Variants in THSD7A observed in about 807,000 individuals in gnomAD.
THSD7A encodes thrombospondin type 1 domain containing 7A.
A neutral mutation model predicts 231.3 loss-of-function variants in THSD7A; 96 were observed. The observed-to-expected ratio is 0.41, with a 90% CI of 0.35 to 0.49. The LOEUF (loss-of-function observed/expected upper bound fraction) is 0.49, where lower values mean the gene tolerates loss of function less well. THSD7A is among the 20% of genes least tolerant of loss of function. The probability of loss-of-function intolerance (pLI) is 0.05; values close to 1 mark genes in which losing one functional copy is unlikely to be tolerated. For missense variants in THSD7A, 2,290 were observed against 2,070.2 expected (o/e 1.11, Z -2.06); for synonymous variants, 940 against 743.3 (o/e 1.26, Z -4.30).
At chr7:11,564,259 T>A (rs1583982296) in intron 4 of THSD7A, among the ~76,000 whole-genome samples, 2 of 152,324 alleles carry the variant, frequency 1.3e-5, no homozygotes, top group Non-Finnish European at 2.9e-5. Flanking sequence ...ATTATGGGTG[T>A]CGAAAACACT....
chr7:11,389,670 C>T (rs981729578), intron 23 of THSD7A, among the ~76,000 whole-genome samples: 2 of 151,968 alleles, frequency 1.3e-5, no homozygotes, highest in Admixed American at 6.6e-5. Flanking sequence ...CATTGTGATG[C>T]TAGCTGGTTA....
chr7:11,736,230 A>AT (rs1257726265), intron 1 of THSD7A, among the ~76,000 whole-genome samples: 1 of 151,950 alleles, frequency 6.6e-6, no homozygotes, highest in African/African-American at 2.4e-5. Context: ...GAAAAATAAT[A>AT]ATTAGCTATA....
At chr7:11,635,982 A>G (rs1781825516) in intron 2 of THSD7A, 148 bp downstream of exon 2, 8 of 659,216 alleles carry the variant, frequency 1.2e-5, no homozygotes, top group South Asian at 1.0e-4. Context: ...AGAAACTCAC[A>G]CAAGCTCAGA....
At chr7:11,789,271 T>C (rs1783879252) in intron 1 of THSD7A, among the ~76,000 whole-genome samples, 1 of 152,048 alleles carries the variant, frequency 6.6e-6, no homozygotes, top group Non-Finnish European at 1.5e-5. Context: ...AATCAACCTG[T>C]CATGTAGGCC....
rs552823642 is a variant in THSD7A at position 11,411,369 on chromosome 7, A to G, written c.3683-47T>C. On this transcript the variant is annotated intron_variant, in intron 18 of 27. Coordinates refer to ENST00000423059, the MANE Select transcript of THSD7A (RefSeq NM_015204.3). This position sits in a 1 kb window ranked among gnomAD's most constrained non-coding sequence, Gnocchi z 4.1. Reference sequence around the variant, plus strand: ...CAGAACAGAAGGCTAAGTAAGAAACAGATTTCAAATGAAACTCTGATGACC... The same window carrying G: ...CAGAACAGAAGGCTAAGTAAGAAACGGATTTCAAATGAAACTCTGATGACC... 2 of 1,338,452 alleles carry G rather than the reference A, an allele frequency of 1.5e-6. No individual in the cohort carries two copies. The highest frequency in any genetic ancestry group is 1.2e-5 in the South Asian group (1 of 80,626). 82.9% of individuals were successfully genotyped at this position (1,338,452 alleles called of 1,614,324 possible).
intron 17 of THSD7A, among the ~76,000 whole-genome samples, chr7:11,416,376 A>C (rs1287828760): frequency 6.6e-6 from 1 of 152,234 alleles, no homozygotes; most frequent in Non-Finnish European, 1.5e-5. Context: ...ATATCTGACA[A>C]AAAATCTCAC....
At chr7:11,413,223 G>T (rs1583694017) in intron 17 of THSD7A, among the ~76,000 whole-genome samples, 1 of 151,740 alleles carries the variant, frequency 6.6e-6, no homozygotes, top group African/African-American at 2.4e-5. Flanking sequence ...TCCTTTTCCT[G>T]ATGCACACAT....
intron 6 of THSD7A, among the ~76,000 whole-genome samples, chr7:11,530,826 T>C (rs983167548): frequency 1.3e-5 from 2 of 151,998 alleles, no homozygotes; most frequent in Non-Finnish European, 2.9e-5. Flanking sequence ...GCCTGGTCAA[T>C]ACAGTGAAGC....
chr7:11,431,807 G>A (rs1784485978), intron 13 of THSD7A, among the ~76,000 whole-genome samples: 1 of 152,018 alleles, frequency 6.6e-6, no homozygotes, highest in African/African-American at 2.4e-5. Context: ...TCAGACACAT[G>A]GAATTCATTT....
chr7:11,826,877 T>G (rs1785047810), intron 1 of THSD7A, among the ~76,000 whole-genome samples: 1 of 152,000 alleles, frequency 6.6e-6, no homozygotes, highest in South Asian at 2.1e-4. Flanking sequence ...GTTATTCATC[T>G]TTCAGTAATA....
chr7:11,563,808 T>C (rs997398360), intron 4 of THSD7A, among the ~76,000 whole-genome samples: 5 of 152,260 alleles, frequency 3.3e-5, no homozygotes, highest in African/African-American at 1.2e-4. Flanking sequence ...GTGCAGTTCA[T>C]GAATTGATAG....
At chr7:11,740,628 G>C (rs1388856695) in intron 1 of THSD7A, among the ~76,000 whole-genome samples, 1 of 151,760 alleles carries the variant, frequency 6.6e-6, no homozygotes, top group African/African-American at 2.4e-5. Context: ...TGCCTCCCTT[G>C]GGTCATTCTG....
intron 4 of THSD7A, among the ~76,000 whole-genome samples, chr7:11,580,284 T>A (rs1367467657): frequency 6.6e-6 from 1 of 152,088 alleles, no homozygotes. Flanking sequence ...ATTTTGAGGA[T>A]ATATGCTTTA....
intron 1 of THSD7A, among the ~76,000 whole-genome samples, chr7:11,808,692 T>C (rs1380862651): frequency 6.6e-6 from 1 of 152,188 alleles, no homozygotes; most frequent in Non-Finnish European, 1.5e-5. Flanking sequence ...CTAGGGTCTT[T>C]ATTCTTTACT....
intron 2 of THSD7A, among the ~76,000 whole-genome samples, chr7:11,598,387 C>A (rs561534120): frequency 6.6e-6 from 1 of 152,330 alleles, no homozygotes; most frequent in South Asian, 2.1e-4. Flanking sequence ...GATAGGATGA[C>A]CTGTTCTGTG....
At chr7:11,587,591 T>C (rs571950884) in intron 4 of THSD7A, among the ~76,000 whole-genome samples, 48 of 152,314 alleles carry the variant, frequency 3.2e-4, no homozygotes, top group Non-Finnish European at 6.0e-4. Context: ...CATACTAAAT[T>C]GTGAATATTT....
chr7:11,409,391 C>T lies in THSD7A; in HGVS notation c.3798+1816G>A, dbSNP rs142399558. ...GACAGTGTTTGCTAGAATGTTAAAA[C>T]TAGGAGTCCCTAATTGCCATGCAAC... On this transcript the variant is annotated intron_variant, in intron 19 of 27. Coordinates refer to ENST00000423059, the MANE Select transcript of THSD7A (RefSeq NM_015204.3). Among the ~76,000 whole-genome samples, 569 of 152,270 alleles carry T rather than the reference C, an allele frequency of 3.7e-3. 3 individuals are homozygous for T. The highest frequency in any genetic ancestry group is 0.013 in the African/African-American group (546 of 41,566).
At chr7:11,380,477 T>G (rs991130752) in intron 24 of THSD7A, among the ~76,000 whole-genome samples, 2 of 152,200 alleles carry the variant, frequency 1.3e-5, no homozygotes, top group Admixed American at 6.6e-5. Flanking sequence ...TTTATGGAAC[T>G]GATGATTCTC....
chr7:11,681,659 A>G (rs1288733845), intron 1 of THSD7A, among the ~76,000 whole-genome samples: 1 of 152,036 alleles, frequency 6.6e-6, no homozygotes, highest in African/African-American at 2.4e-5. Flanking sequence ...AGGGAGAAGA[A>G]GAGAAAGTAT....
Sources: gnomAD v4.1 joint callset for allele counts (sites outside exome capture counted in the v4.1 genomes callset) on GRCh38, gnomAD v4.1.1 for gene constraint, Gnocchi (gnomAD v3.1) non-coding constraint, MANE v1.5 for transcripts, NCBI Gene and HGNC (gene_info 2026-07-23, HGNC 2026-07-21) for gene names.